The following UNC5D variants were observed in gnomAD, a reference collection of about 807,000 sequenced individuals.
UNC5D encodes unc-5 netrin receptor D.
UNC5D carries 39 observed loss-of-function variants against 105.4 expected under a neutral mutation model. That is an observed-to-expected ratio of 0.37 (90% CI 0.29 to 0.48). The LOEUF is 0.48. Among genes scored for constraint, UNC5D ranks in the 20% least tolerant of loss-of-function variants. The pLI is 0.98. For missense variants in UNC5D, 991 were observed against 1,202.4 expected, an observed-to-expected ratio of 0.82 and a Z score of 2.60; for synonymous variants, 452 against 450.4, an observed-to-expected ratio of 1.00 and a Z score of -0.04.
chr8:35,475,098 A>G (rs2129892430), intron 1 of UNC5D, among the ~76,000 whole-genome samples: 1 of 152,304 alleles, frequency 6.6e-6, no homozygotes, highest in African/African-American at 2.4e-5. Context: ...ACTCAGGGAT[A>G]AGGGAAAGAG....
intron 7 of UNC5D, among the ~76,000 whole-genome samples, chr8:35,698,950 A>G (rs1826986321): frequency 6.6e-6 from 1 of 152,166 alleles, no homozygotes; most frequent in South Asian, 2.1e-4. Context: ...AAAAGAATTC[A>G]TAGGTTAGAA....
chr8:35,279,404 G>A (rs1036728174), intron 1 of UNC5D, among the ~76,000 whole-genome samples: 3 of 152,348 alleles, frequency 2.0e-5, no homozygotes, highest in African/African-American at 7.2e-5. Flanking sequence ...CTGAGATACA[G>A]TGATGAACTT....
At chr8:35,779,998 C>T (rs1563757582) in intron 16 of UNC5D, among the ~76,000 whole-genome samples, 1 of 152,022 alleles carries the variant, frequency 6.6e-6, no homozygotes, top group African/African-American at 2.4e-5. Flanking sequence ...GACCAAGTTG[C>T]TATGGGAACA....
chr8:35,389,324 G>A (rs1415564881), intron 1 of UNC5D, among the ~76,000 whole-genome samples: 1 of 152,158 alleles, frequency 6.6e-6, no homozygotes, highest in Non-Finnish European at 1.5e-5. Flanking sequence ...ATATTTTAAT[G>A]TGTGTGCAAA....
intron 4 of UNC5D, among the ~76,000 whole-genome samples, chr8:35,617,305 C>T (rs969028769): frequency 3.4e-4 from 51 of 152,212 alleles, no homozygotes; most frequent in African/African-American, 1.1e-3. Flanking sequence ...TGCACTTGCC[C>T]CCACCCTGGA....
chr8:35,512,491 T>TATATATAG (rs1812791769), intron 1 of UNC5D, among the ~76,000 whole-genome samples: 1 of 115,708 alleles, frequency 8.6e-6, no homozygotes, highest in Non-Finnish European at 1.8e-5. Flanking sequence ...TATATATATA[T>TATATATAG]ATATATATAT....
At chr8:35,465,624 CA>C (rs1314284836) in intron 1 of UNC5D, among the ~76,000 whole-genome samples, 1 of 152,186 alleles carries the variant, frequency 6.6e-6, no homozygotes, top group Non-Finnish European at 1.5e-5. Context: ...TCAATCTACT[CA>C]TCATTCTCTT....
intron 1 of UNC5D, among the ~76,000 whole-genome samples, chr8:35,385,716 C>T (rs557029226): frequency 4.1e-4 from 62 of 152,186 alleles, no homozygotes; most frequent in Middle Eastern, 3.4e-3. Context: ...CCACCTGCCT[C>T]GGCCTCCCAC....
chr8:35,730,732 C>T (rs1385435335), intron 10 of UNC5D, among the ~76,000 whole-genome samples: 1 of 151,756 alleles, frequency 6.6e-6, no homozygotes, highest in Non-Finnish European at 1.5e-5. Context: ...GGTCTTAGAA[C>T]ACTCAATCTT....
rs75863421 is a variant in UNC5D at position 35,749,960 on chromosome 8, G to A, written c.1936-622G>A. On this transcript the variant is annotated intron_variant, in intron 12 of 16. Transcript: ENST00000404895. ...GAGAGAAAATAAACATTACCTTAAGGATATTTAAAGAGTTGTCAGAAATAG... is the reference window on the plus strand; with the variant it reads ...GAGAGAAAATAAACATTACCTTAAGAATATTTAAAGAGTTGTCAGAAATAG... Among the ~76,000 whole-genome samples, 298 of 134,688 alleles carry A rather than the reference G, an allele frequency of 2.2e-3. 10 individuals are homozygous for A. The East Asian group carries it at 0.055, about 25-fold the overall frequency. 88.4% of individuals were successfully genotyped at this position (134,688 alleles called of 152,430 possible). A position where few individuals can be genotyped will look rare whatever the true frequency, so the allele number is the denominator to read the frequency against.
At chr8:35,295,201 G>C (rs1001785414) in intron 1 of UNC5D, among the ~76,000 whole-genome samples, 3 of 152,108 alleles carry the variant, frequency 2.0e-5, no homozygotes, top group African/African-American at 4.8e-5. Context: ...GGCTCCATGT[G>C]TTATCTGTAA....
chr8:35,771,744 C>T (rs1407167385), intron 15 of UNC5D, among the ~76,000 whole-genome samples: 1 of 152,176 alleles, frequency 6.6e-6, no homozygotes, highest in Non-Finnish European at 1.5e-5. Flanking sequence ...ACTCAGAGAA[C>T]GTTTTCCTTA....
At chr8:35,249,559 AAATAATAATAATAATAATAATAAT>A (rs148177480) in intron 1 of UNC5D, among the ~76,000 whole-genome samples, 1 of 142,646 alleles carries the variant, frequency 7.0e-6, no homozygotes, top group African/African-American at 2.6e-5. Context: ...CTCTGTCTCA[AAATAATAATAATAATAATAATAAT>A]AATAATAATA....
intron 4 of UNC5D, among the ~76,000 whole-genome samples, chr8:35,659,359 T>G (rs1823977358): frequency 6.6e-6 from 1 of 152,334 alleles, no homozygotes; most frequent in South Asian, 2.1e-4. Context: ...TTGAGATCAA[T>G]TTTGTGAAAT....
At chr8:35,591,309 A>G (rs1201550165) in intron 3 of UNC5D, among the ~76,000 whole-genome samples, 3 of 152,156 alleles carry the variant, frequency 2.0e-5, no homozygotes, top group Non-Finnish European at 2.9e-5. Context: ...TGATACATAA[A>G]AAATATAGGA....
intron 1 of UNC5D, among the ~76,000 whole-genome samples, chr8:35,380,430 A>C (rs1304651521): frequency 6.6e-6 from 1 of 152,166 alleles, no homozygotes; most frequent in Non-Finnish European, 1.5e-5. Context: ...TAGTGTGCAC[A>C]TGTAAACAGA....
intron 4 of UNC5D, among the ~76,000 whole-genome samples, chr8:35,598,078 G>A (rs28694460): frequency 0.012 from 1,859 of 152,070 alleles, 50 homozygotes; most frequent in African/African-American, 0.043. Flanking sequence ...ACACTGCTTT[G>A]TCCCATCTTT....
At position 35,568,199 on chromosome 8, in the gene UNC5D, C is replaced by T; in HGVS notation, c.424C>T (p.Leu142=). The part of the protein sequence containing the change: ...YWCQCVAWSH[L]GTSKSRKASV... ...GTGCCAGTGTGTGGCGTGGAGCCAC[C>T]TGGGTACCTCCAAGAGCAGGAAGGC... Residue 142 remains leucine, a synonymous_variant, in exon 3 of 17, where the codon CTG becomes TTG. Coordinates refer to ENST00000404895, the MANE Select transcript of UNC5D (RefSeq NM_080872.4). 6.2e-7 allele frequency: 1 copy of T among 1,614,164 alleles called. No homozygotes were observed. The highest frequency in any genetic ancestry group is 8.5e-7 in the Non-Finnish European group (1 of 1,180,014).
chr8:35,266,754 C>T (rs543910660), intron 1 of UNC5D, among the ~76,000 whole-genome samples: 1 of 152,206 alleles, frequency 6.6e-6, no homozygotes, highest in Admixed American at 6.5e-5. Flanking sequence ...TTTCTTCACT[C>T]ATATATCTAA....
Sources: allele counts gnomAD v4.1 joint callset (sites outside exome capture counted in the v4.1 genomes callset), GRCh38; gene constraint gnomAD v4.1.1; transcripts MANE v1.5; gene names NCBI Gene and HGNC (gene_info 2026-07-23, HGNC 2026-07-21).